GLA: variants seen among roughly 807,000 people sequenced by gnomAD.
GLA encodes alpha-galactosidase A.
A neutral mutation model predicts 28.2 loss-of-function variants in GLA; 4 were observed. That is an observed-to-expected ratio of 0.14 (90% CI 0.07 to 0.32). The LOEUF (loss-of-function observed/expected upper bound fraction) is 0.32. GLA is among the 10% of genes least tolerant of loss of function. GLA has a pLI of 1.00. For missense variants in GLA, 203 were observed against 323.7 expected (o/e 0.63, Z 2.86); for synonymous variants, 94 against 113.0 (o/e 0.83, Z 1.07).
intron 1 of GLA, among the ~76,000 whole-genome samples, chrX:101,404,964 G>A (rs782111903): frequency 4.2e-4 from 46 of 110,461 alleles, no homozygotes; most frequent in Non-Finnish European, 7.0e-4. Flanking sequence ...AAGGCTGGGC[G>A]TGGTGGCTCA....
chrX:101,400,955 C>A, intron 3 of GLA, 198 bp from the exon 4 acceptor site: 1 of 282,887 alleles, frequency 3.5e-6, no homozygotes, highest in Non-Finnish European at 6.1e-6. Flanking sequence ...TCTGTCTCAG[C>A]TTCCCAAGTA....
chrX:101,398,780 T>C lies in GLA; in HGVS notation c.801+5A>G. 8.3e-7 allele frequency: 1 copy of C among 1,209,947 alleles called. No homozygotes were observed. Among genetic ancestry groups the C allele is most frequent in the Non-Finnish European group, 1.1e-6 (1 of 893,854 alleles). On this transcript the variant is annotated splice_donor_5th_base_variant and intron_variant, in intron 5 of 6. Coordinates refer to ENST00000218516, the MANE Select transcript of GLA (RefSeq NM_000169.3). ...GTCTTGAACAAGGAGGGCTCAAGTT[T>C]TTACCATATCTGGGTCATTCCAACC...
At chrX:101,401,038 G>A (rs782465905) in intron 3 of GLA, among the ~76,000 whole-genome samples, 9 of 110,783 alleles carry the variant, frequency 8.1e-5, no homozygotes, top group Admixed American at 4.8e-4. Context: ...GTTTCACCAT[G>A]TTGGCCAGGG....
At position 101,400,712 on chromosome X, in the gene GLA, A is replaced by G. The variant is rs727503950; in HGVS notation, c.593T>C (p.Ile198Thr). ...AAGAGGCCACTCACAGGAGTACACA[A>G]TGCTTCTGCCAGTCCTATTCAGGGC... ...SLALNRTGRSIVYSCEWPLYM... is the reference protein window; with the variant it reads ...SLALNRTGRSTVYSCEWPLYM... The change falls in exon 4 of 7, where the codon ATT becomes ACT. Residue 198 changes from isoleucine (I) to threonine (T), a missense_variant. Coordinates refer to ENST00000218516, the MANE Select transcript of GLA (RefSeq NM_000169.3). 1.4e-5 allele frequency: 17 copies of G among 1,192,707 alleles called. No individual in the cohort carries two copies. The highest frequency in any genetic ancestry group is 1.8e-5 in the Non-Finnish European group (16 of 879,434).
rs869312239 is a variant in GLA, at chrX:101,397,892, A to G, written c.1207T>C (p.Leu403=). The change falls in exon 7 of 7, where the codon TTA becomes CTA. Residue 403 remains leucine (L), a synonymous_variant. Transcript: ENST00000218516. ...KLGFYEWTSR[L]RSHINPTGTV... Reference sequence around the variant, plus strand: ...CCTGTGGGATTTATGTGACTTCTTAACCTTGAAGTCCATTCATAGAACCCT... The same window carrying G: ...CCTGTGGGATTTATGTGACTTCTTAGCCTTGAAGTCCATTCATAGAACCCT... 5.0e-6 allele frequency: 6 copies of G among 1,204,001 alleles called. No homozygotes were observed. Among genetic ancestry groups the G allele is most frequent in the Non-Finnish European group, 5.6e-6 (5 of 887,927 alleles).
chrX:101,401,667 C>G lies in GLA; in HGVS notation c.512G>C (p.Gly171Ala). 8.3e-7 allele frequency: 1 copy of G among 1,210,830 alleles called. No homozygotes were observed. The highest frequency in any genetic ancestry group is 1.1e-6 in the Non-Finnish European group (1 of 894,787). The change falls in exon 3 of 7, where the codon GGT becomes GCT. Residue 171 changes from glycine (G) to alanine (A), a missense_variant. This residue lies in a region of GLA where 162 missense variants were observed against 246.8 expected (regional missense o/e 0.66). Transcript: ENST00000218516. ...DWGVDLLKFDGCYCDSLENLA... is the reference protein window; with the variant it reads ...DWGVDLLKFDACYCDSLENLA... ...ATTTTCCAAACTGTCACAGTAACAACCATCAAATTTTAGCAGATCTACTCC... is the reference window on the plus strand; with the variant it reads ...ATTTTCCAAACTGTCACAGTAACAAGCATCAAATTTTAGCAGATCTACTCC...
At position 101,398,049 on chromosome X, in the gene GLA, A is replaced by G. The variant is rs869312210; in HGVS notation, c.1050T>C (p.Ala350=). The G allele has an allele frequency of 2.5e-6, 3 of 1,209,655 alleles. No homozygotes were observed. The highest frequency in any genetic ancestry group is 3.5e-5 in the African/African-American group (2 of 57,291). The stretch of plus-strand genomic sequence containing the variant: ...TCTCCTGCCGGTTTATCATAGCTAC[A>G]GCCCAGGCTAAGCCTGAGAGAGGTC... ...WERPLSGLAW[A]VAMINRQEIG... Residue 350 remains alanine, a synonymous_variant, in exon 7 of 7, where the codon GCT becomes GCC. Transcript: ENST00000218516.
In GLA at chrX:101,402,892, G is replaced by T. The variant is rs142076049; in HGVS notation, c.369+919C>A. 5.0e-3 allele frequency among the ~76,000 whole-genome samples: 556 copies of T among 111,873 alleles called. 2 individuals carry two copies. The highest frequency in any genetic ancestry group is 0.017 in the African/African-American group (523 of 30,765). Reference sequence around the variant, plus strand: ...GTACCATTGCAATAGCTTCCTAAAGGTTATATGGAAATACATGCACACATA... The same window carrying T: ...GTACCATTGCAATAGCTTCCTAAAGTTTATATGGAAATACATGCACACATA... On this transcript the variant is annotated intron_variant, in intron 2 of 6. Coordinates refer to ENST00000218516, the MANE Select transcript of GLA (RefSeq NM_000169.3).
At position 101,401,134 on chromosome X, in the gene GLA, C is replaced by T. The variant is rs782292106; in HGVS notation, c.548-377G>A. 47 of 189,411 alleles carry T rather than the reference C, an allele frequency of 2.5e-4. 1 individual carries two copies. The Admixed American group carries it at 3.3e-3, about 13-fold the overall frequency. 15.6% of individuals were successfully genotyped at this position (189,411 alleles called of 1,213,427 possible). On this transcript the variant is annotated intron_variant, in intron 3 of 6. Coordinates refer to ENST00000218516, the MANE Select transcript of GLA (RefSeq NM_000169.3). ...TACAGGCATGAGCCATCATGCCCAGCTGGGGCTGTATATTTTAAGAAGAGG... is the reference window on the plus strand; with the variant it reads ...TACAGGCATGAGCCATCATGCCCAGTTGGGGCTGTATATTTTAAGAAGAGG...
At chrX:101,406,097 A>T (rs1928503902) in intron 1 of GLA, among the ~76,000 whole-genome samples, 2 of 101,850 alleles carry the variant, frequency 2.0e-5, no homozygotes, top group African/African-American at 7.3e-5. Flanking sequence ...CTGTAGTCCC[A>T]GCTACTCGGG....
rs869312262 is a variant in GLA, at chrX:101,407,725, G to A, written c.179C>T (p.Pro60Leu). 1 of 1,206,765 alleles carries A rather than the reference G, an allele frequency of 8.3e-7. No individual in the cohort carries two copies. Among genetic ancestry groups the A allele is most frequent in the African/African-American group, 1.8e-5 (1 of 57,132 alleles). ...FMCNLDCQEEPDSCISEKLFM... is the reference protein window; with the variant it reads ...FMCNLDCQEELDSCISEKLFM... ...TATCTGATACCTGATGCAGGAATCT[G>A]GCTCTTCCTGGCAGTCAAGGTTGCA... Residue 60 changes from proline to leucine, a missense_variant, in exon 1 of 7, where the codon CCA becomes CTA. Physicochemically the swap from Pro to Leu is moderately conservative, Grantham distance 98. Around this residue, in one of 3 missense-constraint regions of GLA, gnomAD observed 11 missense variants for 44.6 expected, o/e 0.25. Transcript: ENST00000218516.
intron 2 of GLA, 133 bp from the exon 3 acceptor site, chrX:101,401,942 C>T: frequency 1.7e-6 from 1 of 585,675 alleles, no homozygotes; most frequent in Non-Finnish European, 2.9e-6. Flanking sequence ...TCCCCACAAA[C>T]CCCCAAAATC....
intron 3 of GLA, chrX:101,401,327 CGATT>C: frequency 3.0e-6 from 1 of 330,518 alleles, no homozygotes; most frequent in Non-Finnish European, 5.4e-6. Context: ...TCTCTGTGAC[CGATT>C]GACAACCTGG....
intron 2 of GLA, 81 bp downstream of exon 2, chrX:101,403,730 T>C (rs1928397846): frequency 2.0e-6 from 2 of 995,934 alleles, no homozygotes. Flanking sequence ...CGCCCGGCCA[T>C]GAGGGCTGTT....
chrX:101,404,321 G>A (rs1928421988), intron 1 of GLA, among the ~76,000 whole-genome samples: 1 of 111,405 alleles, frequency 9.0e-6, no homozygotes, highest in African/African-American at 3.3e-5. Flanking sequence ...CCTATTTGGA[G>A]AAAAAGATCC....
At chrX:101,400,319 G>A (rs1928260709) in intron 4 of GLA, among the ~76,000 whole-genome samples, 2 of 111,346 alleles carry the variant, frequency 1.8e-5, no homozygotes, top group Non-Finnish European at 3.8e-5. Flanking sequence ...GGTGGTCCCA[G>A]CAGTCTGGTT....
At chrX:101,402,619 C>T (rs782674336) in intron 2 of GLA, among the ~76,000 whole-genome samples, 1 of 111,126 alleles carries the variant, frequency 9.0e-6, no homozygotes, top group African/African-American at 3.3e-5. Flanking sequence ...AAAAATTAGC[C>T]GGGCGTGGTG....
At chrX:101,401,912 C>T (rs782811871) in intron 2 of GLA, 103 bp from the exon 3 acceptor site, 1 of 785,349 alleles carries the variant, frequency 1.3e-6, no homozygotes, top group Admixed American at 2.3e-5. Context: ...AAGGTTACTT[C>T]ACCAGGTATT....
In GLA at chrX:101,401,855, C is replaced by T. The variant is rs781833461; in HGVS notation, c.370-46G>A. ...AGAGTCACCATTGTAGAAGCACAATCGTGAGGTAGCAGAAAGAGAGAACCA... is the reference window on the plus strand; with the variant it reads ...AGAGTCACCATTGTAGAAGCACAATTGTGAGGTAGCAGAAAGAGAGAACCA... On this transcript the variant is annotated intron_variant, in intron 2 of 6. Coordinates refer to ENST00000218516, the MANE Select transcript of GLA (RefSeq NM_000169.3). The T allele has an allele frequency of 2.9e-5, 32 of 1,087,256 alleles. No individual in the cohort carries two copies. The Admixed American group carries it at 4.6e-4, about 16-fold the overall frequency. The allele number at this position is 1,087,256 out of a possible 1,213,427, so 89.6% of individuals were successfully genotyped here.
Sources: gnomAD v4.1 joint callset for allele counts (sites outside exome capture counted in the v4.1 genomes callset) on GRCh38, gnomAD v4.1.1 for gene constraint, gnomAD v4.1.1 regional missense constraint, MANE v1.5 for transcripts, NCBI Gene and HGNC (gene_info 2026-07-23, HGNC 2026-07-21) for gene names.